CIP2A: variants seen among roughly 807,000 people sequenced by gnomAD.
The protein encoded by CIP2A is protein CIP2A.
A neutral mutation model predicts 110.9 loss-of-function variants in CIP2A; 103 were observed. The observed-to-expected ratio is 0.93, with a 90% CI of 0.79 to 1.09. The LOEUF (loss-of-function observed/expected upper bound fraction) is 1.09, where lower values mean the gene tolerates loss of function less well. CIP2A is among the 50% of genes least tolerant of loss of function. CIP2A has a pLI of 0.00. For missense variants in CIP2A, 1,088 were observed against 1,038.4 expected (o/e 1.05, Z -0.66); for synonymous variants, 381 against 361.6 (o/e 1.05, Z -0.61).
intron 13 of CIP2A, among the ~76,000 whole-genome samples, chr3:108,562,198 A>C (rs370036277): frequency 6.6e-6 from 1 of 152,174 alleles, no homozygotes; most frequent in Non-Finnish European, 1.5e-5. Context: ...GGAATCGCTA[A>C]ATCAGTGAAT....
intron 19 of CIP2A, among the ~76,000 whole-genome samples, chr3:108,552,704 T>C (rs1937623345): frequency 6.6e-6 from 1 of 152,186 alleles, no homozygotes. Flanking sequence ...ATTTCAAATA[T>C]ACCATTAAGA....
At chr3:108,579,711 A>ACACT in intron 5 of CIP2A, 23 bp from the exon 6 acceptor site, 1 of 1,431,180 alleles carries the variant, frequency 7.0e-7, no homozygotes. Flanking sequence ...AAGTTAAAAA[A>ACACT]TAAATTAGAA....
At chr3:108,552,606 AG>A (rs1937621881) in intron 19 of CIP2A, among the ~76,000 whole-genome samples, 1 of 152,190 alleles carries the variant, frequency 6.6e-6, no homozygotes, top group Non-Finnish European at 1.5e-5. Flanking sequence ...TGTAAGGGTT[AG>A]AAAAGGGAGA....
chr3:108,569,242 A>T, intron 9 of CIP2A, 147 bp downstream of exon 9: 1 of 610,716 alleles, frequency 1.6e-6, no homozygotes, highest in Non-Finnish European at 2.9e-6. Flanking sequence ...GGCAGAAAAA[A>T]ACCTAGCGAG....
Position 108,551,163 on chromosome 3 carries a change from TCA to T in CIP2A, c.2702_2703del (p.Val901GlufsTer14). ...LSGGKINPET[V>X]NLSI ...TGCCATAATGTCTATATACTGAGAT[TCA>T]CAGTTTCTGGATTTATTTTTCCACC... On this transcript the variant is annotated frameshift_variant, in exon 21 of 21. Coordinates refer to ENST00000295746, the MANE Select transcript of CIP2A (RefSeq NM_020890.3). LOFTEE classifies it high-confidence loss of function. The T allele has an allele frequency of 1.9e-6, 3 of 1,602,188 alleles. No individual in the cohort carries two copies. The highest frequency in any genetic ancestry group is 2.6e-6 in the Non-Finnish European group (3 of 1,173,446).
At position 108,589,383 on chromosome 3, in the gene CIP2A, G is replaced by T; in HGVS notation, c.-8C>A. The T allele has an allele frequency of 6.2e-7, 1 of 1,604,814 alleles. No homozygotes were observed. The highest frequency in any genetic ancestry group is 8.5e-7 in the Non-Finnish European group (1 of 1,173,422). On this transcript the variant is annotated 5_prime_UTR_variant, in exon 1 of 21. Coordinates refer to ENST00000295746, the MANE Select transcript of CIP2A (RefSeq NM_020890.3). ...GCAGGCAGTGGAGTCCATTGCACCGGCCGCGGCCCGGCTTAGGGACCACCA... is the reference window on the plus strand; with the variant it reads ...GCAGGCAGTGGAGTCCATTGCACCGTCCGCGGCCCGGCTTAGGGACCACCA...
At chr3:108,568,432 T>C (rs1483693222) in intron 9 of CIP2A, 118 bp from the exon 10 acceptor site, 2 of 724,900 alleles carry the variant, frequency 2.8e-6, no homozygotes, top group Non-Finnish European at 2.2e-6. Flanking sequence ...CAATATGCCA[T>C]TGACCTAAGT....
chr3:108,581,541 A>G, intron 4 of CIP2A, 30 bp from the exon 5 acceptor site: 2 of 1,331,318 alleles, frequency 1.5e-6, no homozygotes, highest in African/African-American at 2.9e-5. Flanking sequence ...TTTTGTTTAA[A>G]GAAAAAATAG....
At position 108,557,371 on chromosome 3, in the gene CIP2A, T is replaced by G; in HGVS notation, c.2057A>C (p.Asn686Thr). 2 of 1,608,604 alleles carry G rather than the reference T, an allele frequency of 1.2e-6. No individual in the cohort carries two copies. Among genetic ancestry groups the G allele is most frequent in the Non-Finnish European group, 1.7e-6 (2 of 1,176,548 alleles). ...ASMLREVERKNEELSVLLKAQ... is the reference protein window; with the variant it reads ...ASMLREVERKTEELSVLLKAQ... The stretch of plus-strand genomic sequence containing the variant: ...CTTCAGCAACACACTAAGCTCTTCA[T>G]TTTTTCTCTCAACTTCTCTCAACAT... Residue 686 changes from asparagine (N) to threonine (T), a missense_variant, in exon 17 of 21, where the codon AAT becomes ACT. Physicochemically the swap from Asn to Thr is moderately conservative, Grantham distance 65. Coordinates refer to ENST00000295746, the MANE Select transcript of CIP2A (RefSeq NM_020890.3).
intron 7 of CIP2A, among the ~76,000 whole-genome samples, chr3:108,578,658 G>A (rs922503849): frequency 1.8e-4 from 28 of 152,116 alleles, no homozygotes; most frequent in African/African-American, 6.5e-4. Flanking sequence ...AATTTAGGAT[G>A]ACAAAGCAGC....
At chr3:108,569,168 C>CTATATATATATATATATATATATATA (rs1163991017) in intron 9 of CIP2A, among the ~76,000 whole-genome samples, 2,891 of 10,864 alleles carry the variant, frequency 0.27, 1,021 homozygotes, top group Non-Finnish European at 0.45. Context: ...GAAATGAGCA[C>CTATATATATATATATATATATATATA]TATATATATA....
At chr3:108,585,883 C>T (rs547847845) in intron 1 of CIP2A, 7 of 417,950 alleles carry the variant, frequency 1.7e-5, no homozygotes, top group South Asian at 1.2e-4. Flanking sequence ...AAGCCACATA[C>T]ACGCATGCAC....
chr3:108,570,527 G>A (rs1938358613), intron 8 of CIP2A, among the ~76,000 whole-genome samples: 1 of 152,068 alleles, frequency 6.6e-6, no homozygotes, highest in Non-Finnish European at 1.5e-5. Flanking sequence ...TTTATTGCCC[G>A]TGGGCTACAA....
At chr3:108,558,986 T>A (rs1450270457) in intron 16 of CIP2A, among the ~76,000 whole-genome samples, 2 of 152,086 alleles carry the variant, frequency 1.3e-5, no homozygotes, top group Non-Finnish European at 2.9e-5. Context: ...CAGGATCATT[T>A]TACTGCCTTA....
chr3:108,579,186 A>G, intron 7 of CIP2A, 95 bp downstream of exon 7: 1 of 954,098 alleles, frequency 1.0e-6, no homozygotes, highest in Non-Finnish European at 1.6e-6. Context: ...GTAGAATCCA[A>G]GTTTATTATA....
chr3:108,576,203 AGTT>A, intron 8 of CIP2A, 65 bp downstream of exon 8: 1 of 913,796 alleles, frequency 1.1e-6, no homozygotes, highest in Non-Finnish European at 1.7e-6. Context: ...TGTATTTTGC[AGTT>A]TTTTAAAAGT....
rs1048192860 is a variant in CIP2A, at chr3:108,576,588, T to C, written c.819-242A>G. 4.6e-5 allele frequency among the ~76,000 whole-genome samples: 7 copies of C among 152,294 alleles called. No individual in the cohort carries two copies. The South Asian group carries it at 6.2e-4, about 14-fold the overall frequency. Reference sequence around the variant, plus strand: ...AGTGATTCATGTGGCAATAAATAAATCATTAAATTTCTTTATCCACGAATA... The same window carrying C: ...AGTGATTCATGTGGCAATAAATAAACCATTAAATTTCTTTATCCACGAATA... On this transcript the variant is annotated intron_variant, in intron 7 of 20. Coordinates refer to ENST00000295746, the MANE Select transcript of CIP2A (RefSeq NM_020890.3).
chr3:108,557,257 T>A lies in CIP2A; in HGVS notation c.2171A>T (p.His724Leu). The change falls in exon 17 of 21, where the codon CAT (histidine) becomes CTT (leucine). Residue 724 changes from histidine to leucine, a missense_variant. Physicochemically the swap from His to Leu is moderately conservative, Grantham distance 99 (BLOSUM62 -3). Coordinates refer to ENST00000295746, the MANE Select transcript of CIP2A (RefSeq NM_020890.3). The part of the protein sequence containing the change: ...NRKLESVAEE[H>L]EILTKSYMEL... ...CATGTAGGATTTTGTCAGTATTTCATGTTCTTCAGCCACAGACTCTAACTT... is the reference window on the plus strand; with the variant it reads ...CATGTAGGATTTTGTCAGTATTTCAAGTTCTTCAGCCACAGACTCTAACTT... 1 of 1,604,632 alleles carries A rather than the reference T, an allele frequency of 6.2e-7. No homozygotes were observed. Among genetic ancestry groups the A allele is most frequent in the South Asian group, 1.1e-5 (1 of 90,008 alleles).
At chr3:108,581,008 C>A (rs1285557266) in intron 5 of CIP2A, among the ~76,000 whole-genome samples, 1 of 152,198 alleles carries the variant, frequency 6.6e-6, no homozygotes, top group African/African-American at 2.4e-5. Flanking sequence ...TCATACTGAG[C>A]ACTTAACTCA....
Sources: gnomAD v4.1 joint callset for allele counts (sites outside exome capture counted in the v4.1 genomes callset) on GRCh38, gnomAD v4.1.1 for gene constraint, MANE v1.5 for transcripts, NCBI Gene and HGNC (gene_info 2026-07-23, HGNC 2026-07-21) for gene names.